RAB3C: variants seen among roughly 807,000 people sequenced by gnomAD.
The protein encoded by RAB3C is ras-related protein Rab-3C.
RAB3C carries 17 observed loss-of-function variants against 26.4 expected under a neutral mutation model. The observed-to-expected ratio is 0.64, with a 90% CI of 0.44 to 0.97. RAB3C has a LOEUF of 0.97. Ranked by LOEUF, RAB3C falls within the 50% of genes least tolerant of loss-of-function variation. The pLI, the probability that RAB3C is intolerant of heterozygous loss-of-function variation, is 0.00. For missense variants in RAB3C, 242 were observed against 281.9 expected, an observed-to-expected ratio of 0.86 and a Z score of 1.01; for synonymous variants, 91 against 95.9, an observed-to-expected ratio of 0.95 and a Z score of 0.30.
chr5:58,729,764 C>G (rs1299475002), intron 3 of RAB3C, among the ~76,000 whole-genome samples: 1 of 141,398 alleles, frequency 7.1e-6, no homozygotes, highest in East Asian at 2.0e-4. Context: ...TATATATACA[C>G]ATATACATAT....
intron 1 of RAB3C, among the ~76,000 whole-genome samples, chr5:58,601,943 ACTGT>A (rs1374296955): frequency 2.0e-5 from 3 of 151,894 alleles, no homozygotes; most frequent in African/African-American, 7.2e-5. Flanking sequence ...GCAACCTTAG[ACTGT>A]CTGTTTGTGC....
chr5:58,810,368 T>TCTCTCTCTCTCG (rs1480936029), intron 3 of RAB3C, among the ~76,000 whole-genome samples: 192 of 144,450 alleles, frequency 1.3e-3, no homozygotes, highest in African/African-American at 4.8e-3. Context: ...CTGTGTGCTC[T>TCTCTCTCTCTCG]CTCTCTCTCT....
chr5:58,608,495 C>T (rs2111701821), intron 1 of RAB3C, among the ~76,000 whole-genome samples: 1 of 152,280 alleles, frequency 6.6e-6, no homozygotes. Context: ...GAGATACTAA[C>T]TCATGCTAGT....
chr5:58,611,156 A>G (rs1251846137), intron 1 of RAB3C, among the ~76,000 whole-genome samples: 2 of 152,126 alleles, frequency 1.3e-5, no homozygotes, highest in Admixed American at 1.3e-4. Context: ...TTGATTCCAT[A>G]TCTTTGCTAT....
At chr5:58,612,487 GGTGTGTGTGT>G (rs372157686) in intron 1 of RAB3C, among the ~76,000 whole-genome samples, 26 of 113,024 alleles carry the variant, frequency 2.3e-4, no homozygotes, top group African/African-American at 9.1e-4. Context: ...TGTGTTCCTA[GGTGTGTGTGT>G]GTGTGTGTGT....
chr5:58,629,813 G>C (rs1478835543), intron 2 of RAB3C, among the ~76,000 whole-genome samples: 1 of 152,206 alleles, frequency 6.6e-6, no homozygotes, highest in Non-Finnish European at 1.5e-5. Context: ...GAAGCTGTCA[G>C]TGATTAATCA....
At chr5:58,731,028 A>T (rs1192252704) in intron 3 of RAB3C, among the ~76,000 whole-genome samples, 2 of 152,024 alleles carry the variant, frequency 1.3e-5, no homozygotes, top group Non-Finnish European at 2.9e-5. Flanking sequence ...CATAAGAACA[A>T]CATGGGAAAA....
intron 3 of RAB3C, among the ~76,000 whole-genome samples, chr5:58,767,268 C>T (rs936733108): frequency 6.6e-6 from 1 of 152,092 alleles, no homozygotes; most frequent in Non-Finnish European, 1.5e-5. Flanking sequence ...AGAAATTTGG[C>T]CAAAGTAATT....
At chr5:58,793,981 C>G (rs1366767618) in intron 3 of RAB3C, among the ~76,000 whole-genome samples, 1 of 152,188 alleles carries the variant, frequency 6.6e-6, no homozygotes, top group Non-Finnish European at 1.5e-5. Context: ...ATAAAATCCT[C>G]TTTCTCCTTT....
At chr5:58,644,366 T>C (rs1382500732) in intron 2 of RAB3C, 2 of 152,182 alleles carry the variant, frequency 1.3e-5, no homozygotes, top group Admixed American at 6.5e-5. Context: ...ATGGTAATGA[T>C]ACCAACTTTT....
At chr5:58,789,309 T>C (rs1252605220) in intron 3 of RAB3C, among the ~76,000 whole-genome samples, 1 of 152,082 alleles carries the variant, frequency 6.6e-6, no homozygotes, top group Non-Finnish European at 1.5e-5. Context: ...AAGCTTGAGA[T>C]ATAGTGCGTA....
chr5:58,826,289 A>T (rs1277900168), intron 4 of RAB3C, among the ~76,000 whole-genome samples: 1 of 152,170 alleles, frequency 6.6e-6, no homozygotes, highest in East Asian at 1.9e-4. Context: ...TCTGAAGGAG[A>T]GTAGAATTTG....
chr5:58,613,227 T>C (rs1201039609), intron 1 of RAB3C, among the ~76,000 whole-genome samples: 1 of 152,138 alleles, frequency 6.6e-6, no homozygotes, highest in Non-Finnish European at 1.5e-5. Flanking sequence ...TTCACTGCTA[T>C]TGAACCAAGG....
chr5:58,592,104 G>A (rs554160962), intron 1 of RAB3C, among the ~76,000 whole-genome samples: 58 of 151,820 alleles, frequency 3.8e-4, no homozygotes, highest in African/African-American at 1.4e-3. Flanking sequence ...TCACCATGTT[G>A]GCCACACCCA....
At chr5:58,766,321 T>G (rs1325483612) in intron 3 of RAB3C, among the ~76,000 whole-genome samples, 1 of 152,174 alleles carries the variant, frequency 6.6e-6, no homozygotes, top group African/African-American at 2.4e-5. Context: ...TTTCACCATC[T>G]TGGCCAAGCT....
intron 3 of RAB3C, among the ~76,000 whole-genome samples, chr5:58,730,752 T>G (rs1299526410): frequency 6.6e-6 from 1 of 152,122 alleles, no homozygotes; most frequent in Non-Finnish European, 1.5e-5. Context: ...TCAAAAAACA[T>G]TTTATTACAC....
At chr5:58,768,513 G>A (rs576950046) in intron 3 of RAB3C, among the ~76,000 whole-genome samples, 1 of 152,186 alleles carries the variant, frequency 6.6e-6, no homozygotes, top group South Asian at 2.1e-4. Context: ...ATGGTGATAT[G>A]TGCTTTGAAG....
chr5:58,656,826 A>G (rs933284422), intron 2 of RAB3C, among the ~76,000 whole-genome samples: 15 of 152,226 alleles, frequency 9.9e-5, no homozygotes, highest in Admixed American at 9.2e-4. Context: ...AACAGTGTGG[A>G]GATTCCTTAA....
chr5:58,794,048 G>A (rs1742588409), intron 3 of RAB3C, among the ~76,000 whole-genome samples: 1 of 152,102 alleles, frequency 6.6e-6, no homozygotes, highest in African/African-American at 2.4e-5. Context: ...TCCGGTTTGA[G>A]AGGTCATAAA....
Sources: allele counts gnomAD v4.1 joint callset (sites outside exome capture counted in the v4.1 genomes callset), GRCh38; gene constraint gnomAD v4.1.1; transcripts MANE v1.5; gene names NCBI Gene and HGNC (gene_info 2026-07-23, HGNC 2026-07-21).